SLC9A2: variants seen among roughly 807,000 people sequenced by gnomAD.
SLC9A2 encodes solute carrier family 9 member A2, also known as sodium/hydrogen exchanger 2.
In SLC9A2, 42 loss-of-function variants were observed where a neutral mutation model predicts 71.7. The observed-to-expected ratio is 0.59, with a 90% CI of 0.46 to 0.76. The LOEUF (loss-of-function observed/expected upper bound fraction) is 0.76. Among genes scored for constraint, SLC9A2 ranks in the 30% least tolerant of loss-of-function variants. The pLI is 0.00. For synonymous variants in SLC9A2, 396 were observed against 392.5 expected (o/e 1.01, Z -0.10); for missense variants, 829 against 1,017.4 (o/e 0.81, Z 2.52).
In SLC9A2 at chr2:102,711,099, T is replaced by C. The variant is rs1678101474; in HGVS notation, c.*2610T>C. On this transcript the variant is annotated 3_prime_UTR_variant, in exon 12 of 12. Transcript: ENST00000233969. ...TTCTTTCAGCTTTTGCTCAGCTTTA[T>C]GGTGGGGTGTACTGTTTTATCTGGG... The C allele has an allele frequency of 6.6e-6, 1 of 152,330 alleles. No homozygotes were observed. Among genetic ancestry groups the C allele is most frequent in the South Asian group, 2.1e-4 (1 of 4,832 alleles). The allele number at this position is 152,330 out of a possible 1,614,324, so 9.4% of individuals were successfully genotyped here.
chr2:102,690,041 A>G (rs1227119035), intron 5 of SLC9A2, among the ~76,000 whole-genome samples: 2 of 152,186 alleles, frequency 1.3e-5, no homozygotes, highest in Non-Finnish European at 2.9e-5. Context: ...TTTAACACAC[A>G]TAAGTCTGGA....
chr2:102,639,789 C>A (rs1676538275), intron 1 of SLC9A2, among the ~76,000 whole-genome samples: 1 of 152,146 alleles, frequency 6.6e-6, no homozygotes, highest in African/African-American at 2.4e-5. Flanking sequence ...CTTATGTAAG[C>A]AGAATCATAC....
intron 7 of SLC9A2, among the ~76,000 whole-genome samples, chr2:102,695,778 TTA>T (rs1225660937): frequency 2.4e-4 from 6 of 24,578 alleles, no homozygotes; most frequent in African/African-American, 5.9e-4. Flanking sequence ...ATAATATATA[TTA>T]TATATATATT....
Position 102,707,298 on chromosome 2 carries a change from TTTTTA to T in SLC9A2, c.2069-816_2069-812del, listed in dbSNP as rs1314984272. Among the ~76,000 whole-genome samples, 8 of 63,798 alleles carry T rather than the reference TTTTTA, an allele frequency of 1.3e-4. 1 individual carries two copies. Among genetic ancestry groups the T allele is most frequent in the East Asian group, 4.8e-4 (1 of 2,098 alleles). 41.9% of individuals were successfully genotyped at this position (63,798 alleles called of 152,430 possible). ...GGATGGAAAAATCATTACCCCTCTTTTTTTATTTTTTTTTTTTTGCTTGTTTATTT... is the reference window on the plus strand; with the variant it reads ...GGATGGAAAAATCATTACCCCTCTTTTTTTTTTTTTTTTGCTTGTTTATTT... On this transcript the variant is annotated intron_variant, in intron 11 of 11. Coordinates refer to ENST00000233969, the MANE Select transcript of SLC9A2 (RefSeq NM_003048.6).
intron 5 of SLC9A2, among the ~76,000 whole-genome samples, chr2:102,685,398 T>G (rs911826736): frequency 2.0e-5 from 3 of 152,180 alleles, no homozygotes; most frequent in African/African-American, 7.2e-5. Flanking sequence ...GAGAGTGTCA[T>G]GCAGATCCCT....
In SLC9A2 at chr2:102,643,214, A is replaced by G. The variant is rs925129504; in HGVS notation, c.290-14350A>G. Among the ~76,000 whole-genome samples the G allele has an allele frequency of 2.0e-5, 3 of 152,098 alleles. 1 individual carries two copies. Among genetic ancestry groups the G allele is most frequent in the South Asian group, 4.1e-4 (2 of 4,824 alleles). On this transcript the variant is annotated intron_variant, in intron 1 of 11. Coordinates refer to ENST00000233969, the MANE Select transcript of SLC9A2 (RefSeq NM_003048.6). ...TTTACGTCGTCCTTCCTGGCTCTAC[A>G]GGGAGGGGAGTGCTCATTATCACCC...
At chr2:102,634,710 C>A (rs1207480892) in intron 1 of SLC9A2, among the ~76,000 whole-genome samples, 1 of 152,142 alleles carries the variant, frequency 6.6e-6, no homozygotes, top group South Asian at 2.1e-4. Context: ...TTAAAAAAAT[C>A]ATTTTTTTTC....
At chr2:102,622,841 A>G (rs1676168288) in intron 1 of SLC9A2, among the ~76,000 whole-genome samples, 1 of 152,158 alleles carries the variant, frequency 6.6e-6, no homozygotes, top group Non-Finnish European at 1.5e-5. Context: ...AACCTTTTCC[A>G]CTGTTGACTG....
intron 1 of SLC9A2, among the ~76,000 whole-genome samples, chr2:102,621,087 C>T (rs1433617541): frequency 2.6e-5 from 4 of 151,976 alleles, no homozygotes; most frequent in Admixed American, 2.0e-4. Flanking sequence ...ACCCAGGAGG[C>T]GGAGGTTGCA....
chr2:102,708,313 A>C lies in SLC9A2; in HGVS notation c.2263A>C (p.Lys755Gln). The stretch of plus-strand genomic sequence containing the variant: ...CCCCCCAACACCCCACAGCAGAGAA[A>C]AGGGCACCCAGACGTCAGGCTTACT... ...STPPTPHSRE[K>Q]GTQTSGLLQQ... The change falls in exon 12 of 12, where the codon AAG becomes CAG. Residue 755 changes from lysine (K) to glutamine (Q), a missense_variant. Coordinates refer to ENST00000233969, the MANE Select transcript of SLC9A2 (RefSeq NM_003048.6). The C allele has an allele frequency of 6.2e-7, 1 of 1,614,142 alleles. No individual in the cohort carries two copies. The highest frequency in any genetic ancestry group is 8.5e-7 in the Non-Finnish European group (1 of 1,180,032).
At chr2:102,659,440 CAAT>C (rs760045785) in intron 2 of SLC9A2, among the ~76,000 whole-genome samples, 3 of 151,456 alleles carry the variant, frequency 2.0e-5, no homozygotes, top group Non-Finnish European at 2.9e-5. Context: ...GACTCCATCT[CAAT>C]AATAATAATA....
rs377257099 is a variant in SLC9A2 at position 102,662,586 on chromosome 2, C to A, written c.754-2514C>A. On this transcript the variant is annotated intron_variant, in intron 2 of 11. Coordinates refer to ENST00000233969, the MANE Select transcript of SLC9A2 (RefSeq NM_003048.6). ...AGGGGTCCAGGAGGGCTCCTGGGGG[C>A]AACAGCAGCTTCAGCTGTGCCTTAG... 5.9e-5 allele frequency among the ~76,000 whole-genome samples: 9 copies of A among 152,044 alleles called. No individual in the cohort carries two copies. In the East Asian group the frequency reaches 9.7e-4, roughly 16 times the overall value.
intron 1 of SLC9A2, among the ~76,000 whole-genome samples, chr2:102,620,562 G>A (rs1676114895): frequency 6.6e-6 from 1 of 152,162 alleles, no homozygotes; most frequent in African/African-American, 2.4e-5. Context: ...CCTTGGCAGT[G>A]ACACAGACCC....
chr2:102,669,318 T>C (rs1003772960), intron 3 of SLC9A2, among the ~76,000 whole-genome samples: 5 of 152,264 alleles, frequency 3.3e-5, no homozygotes, highest in African/African-American at 1.2e-4. Flanking sequence ...ACTTATGTTT[T>C]ATTGTATATT....
rs202150381 is a variant in SLC9A2, at chr2:102,708,082, A to G, written c.2069-37A>G. On this transcript the variant is annotated intron_variant, in intron 11 of 11. Transcript: ENST00000233969. ...AAGTTACTTGCAATGCCTTCTCTCT[A>G]AAATGCTTGCCCACCTTGTCTTTTG... 15 of 1,583,114 alleles carry G rather than the reference A, an allele frequency of 9.5e-6. No homozygotes were observed. In the African/African-American group the frequency reaches 1.2e-4, roughly 13 times the overall value.
rs1558709813 is a variant in SLC9A2 at position 102,657,709 on chromosome 2, C to A, written c.435C>A (p.Leu145=). 6.2e-7 allele frequency: 1 copy of A among 1,614,184 alleles called. No homozygotes were observed. The highest frequency in any genetic ancestry group is 2.2e-5 in the East Asian group (1 of 44,888). Reference sequence around the variant, plus strand: ...AGACTGATGTATTTTTCTTGTACCTCCTCCCACCCATCGTGCTGGATGCCG... The same window carrying A: ...AGACTGATGTATTTTTCTTGTACCTACTCCCACCCATCGTGCTGGATGCCG... The part of the protein sequence containing the change: ...AMKTDVFFLY[L]LPPIVLDAGY... The change falls in exon 2 of 12, where the codon CTC becomes CTA. Residue 145 remains leucine, a synonymous_variant. Transcript: ENST00000233969.
chr2:102,702,295 G>T (rs1677886783), intron 8 of SLC9A2, 111 bp from the exon 9 acceptor site: 2 of 624,804 alleles, frequency 3.2e-6, no homozygotes, highest in Non-Finnish European at 2.8e-6. Context: ...ATCCCTAAGT[G>T]CTATTTTTAC....
intron 1 of SLC9A2, among the ~76,000 whole-genome samples, chr2:102,625,011 T>C (rs941539241): frequency 6.6e-6 from 1 of 152,234 alleles, no homozygotes; most frequent in Non-Finnish European, 1.5e-5. Context: ...GGTTGGTCAA[T>C]GGATGCAGCT....
At position 102,632,005 on chromosome 2, in the gene SLC9A2, T is replaced by G. The variant is rs1307057096; in HGVS notation, c.289+11868T>G. Reference sequence around the variant, plus strand: ...ATTAATGAAAGTGGGGATATATATATATATATATATATATATATATATATA... The same window carrying G: ...ATTAATGAAAGTGGGGATATATATAGATATATATATATATATATATATATA... On this transcript the variant is annotated intron_variant, in intron 1 of 11. Coordinates refer to ENST00000233969, the MANE Select transcript of SLC9A2 (RefSeq NM_003048.6). Among the ~76,000 whole-genome samples, 291 of 33,306 alleles carry G rather than the reference T, an allele frequency of 8.7e-3. 15 individuals carry two copies. Among genetic ancestry groups the G allele is most frequent in the African/African-American group, 0.026 (277 of 10,488 alleles). The allele number at this position is 33,306 out of a possible 152,430, so 21.9% of individuals were successfully genotyped here. A position where few individuals can be genotyped will look rare whatever the true frequency, so the allele number is the denominator to read the frequency against.
Sources: gnomAD v4.1 joint callset for allele counts (sites outside exome capture counted in the v4.1 genomes callset) on GRCh38, gnomAD v4.1.1 for gene constraint, MANE v1.5 for transcripts, NCBI Gene and HGNC (gene_info 2026-07-23, HGNC 2026-07-21) for gene names.